Variants in PLSCR2 observed in about 807,000 individuals in gnomAD.
The protein encoded by PLSCR2 is PL scramblase 2.
PLSCR2 carries 18 observed loss-of-function variants against 25.3 expected under a neutral mutation model. The observed-to-expected ratio is 0.71, with a 90% confidence interval of 0.49 to 1.06. PLSCR2 has a LOEUF of 1.06. PLSCR2 is among the 50% of genes least tolerant of loss of function. PLSCR2 has a pLI of 0.00. For synonymous variants in PLSCR2, 88 were observed against 87.3 expected (o/e 1.01, Z -0.04); for missense variants, 243 against 269.5 (o/e 0.90, Z 0.69).
intron 1 of PLSCR2, among the ~76,000 whole-genome samples, chr3:146,491,480 T>C (rs543336116): frequency 5.0e-4 from 76 of 152,282 alleles, no homozygotes; most frequent in Non-Finnish European, 8.1e-4. Flanking sequence ...TCCATCATTT[T>C]CAAGAATGCC....
intron 4 of PLSCR2, 126 bp from the exon 5 acceptor site, chr3:146,454,289 T>A (rs2041074022): frequency 1.7e-6 from 1 of 574,406 alleles, no homozygotes; most frequent in Non-Finnish European, 2.9e-6. Flanking sequence ...AGGACTTTTT[T>A]TTTAAAGATT....
intron 1 of PLSCR2, among the ~76,000 whole-genome samples, chr3:146,487,821 T>C (rs2043400491): frequency 6.6e-6 from 1 of 152,138 alleles, no homozygotes; most frequent in Non-Finnish European, 1.5e-5. Flanking sequence ...GAAAAAAAAC[T>C]GCTTTAAATT....
chr3:146,409,538 G>T (rs904638630), intron 2 of PLSCR2, among the ~76,000 whole-genome samples: 3 of 152,062 alleles, frequency 2.0e-5, no homozygotes, highest in Non-Finnish European at 4.4e-5. Context: ...AGGGTGGCCG[G>T]GAGTTGCAGT....
At chr3:146,486,887 C>T (rs2043364865) in intron 1 of PLSCR2, among the ~76,000 whole-genome samples, 2 of 152,094 alleles carry the variant, frequency 1.3e-5, no homozygotes, top group South Asian at 2.1e-4. Context: ...GGCAAATATT[C>T]CTGATGAACA....
chr3:146,439,424 G>T (rs901003915), downstream of PLSCR2, among the ~76,000 whole-genome samples: 1 of 152,124 alleles, frequency 6.6e-6, no homozygotes, highest in African/African-American at 2.4e-5. Flanking sequence ...ATCAGACGTG[G>T]ATTTGGTCTT....
At chr3:146,392,697 A>C (rs1192754023) in intron 3 of PLSCR2, among the ~76,000 whole-genome samples, 1 of 151,740 alleles carries the variant, frequency 6.6e-6, no homozygotes, top group Admixed American at 6.6e-5. Flanking sequence ...GGGTACACAC[A>C]TTTAAACTAT....
intron 6 of PLSCR2, among the ~76,000 whole-genome samples, chr3:146,445,789 CG>C (rs1232826897): frequency 6.6e-6 from 1 of 151,976 alleles, no homozygotes; most frequent in South Asian, 2.1e-4. Context: ...TTAGATTTGC[CG>C]TTTTGAGGCT....
chr3:146,441,784 T>A, exon 7 of PLSCR2: 1 of 1,588,594 alleles, frequency 6.3e-7, no homozygotes, highest in Non-Finnish European at 8.6e-7. Flanking sequence ...ACTCTGACAT[T>A]CCAGTCATTA....
intron 6 of PLSCR2, 48 bp from the exon 7 acceptor site, chr3:146,441,869 A>C (rs1417512520): frequency 8.1e-7 from 1 of 1,227,756 alleles, no homozygotes; most frequent in Non-Finnish European, 1.2e-6. Flanking sequence ...AACCAAACAG[A>C]GATCAGATGC....
chr3:146,480,260 GAC>G (rs987834164), intron 1 of PLSCR2, among the ~76,000 whole-genome samples: 66 of 152,194 alleles, frequency 4.3e-4, no homozygotes, highest in African/African-American at 1.5e-3. Flanking sequence ...AGGAGATAGA[GAC>G]ACAAAAAACC....
intron 6 of PLSCR2, among the ~76,000 whole-genome samples, chr3:146,444,931 C>T (rs80035163): frequency 0.012 from 1,853 of 151,866 alleles, 36 homozygotes; most frequent in African/African-American, 0.043. Flanking sequence ...ATCTTTTCTA[C>T]GTTTTTGATT....
chr3:146,439,595 C>G (rs942800050), downstream of PLSCR2, among the ~76,000 whole-genome samples: 1 of 152,104 alleles, frequency 6.6e-6, no homozygotes, highest in Non-Finnish European at 1.5e-5. Context: ...TCACGTAGTT[C>G]TTGTGCCATG....
downstream of PLSCR2, among the ~76,000 whole-genome samples, chr3:146,430,649 T>G (rs1372007526): frequency 6.6e-6 from 1 of 152,190 alleles, no homozygotes; most frequent in African/African-American, 2.4e-5. Context: ...TTAATTAACT[T>G]GATGCCAGGA....
At chr3:146,495,692 C>T (rs2043721747) in intron 1 of PLSCR2, among the ~76,000 whole-genome samples, 1 of 152,156 alleles carries the variant, frequency 6.6e-6, no homozygotes, top group Admixed American at 6.6e-5. Context: ...GTACAGAAAC[C>T]AGTTTCTGTT....
chr3:146,461,780 G>A, upstream of PLSCR2: 2 of 717,278 alleles, frequency 2.8e-6, no homozygotes, highest in Non-Finnish European at 5.0e-6. Flanking sequence ...AGTTCATCTA[G>A]GGAGACCCTT....
At chr3:146,392,961 A>C (rs190991963) in intron 3 of PLSCR2, among the ~76,000 whole-genome samples, 32 of 149,670 alleles carry the variant, frequency 2.1e-4, no homozygotes, top group African/African-American at 6.1e-4. Flanking sequence ...ATTTTATTAC[A>C]TATTTTAAAG....
intron 1 of PLSCR2, among the ~76,000 whole-genome samples, chr3:146,471,529 CTT>C (rs36124359): frequency 7.2e-6 from 1 of 138,744 alleles, no homozygotes. Context: ...TGTTAGTGGT[CTT>C]TATATATTGT....
intron 1 of PLSCR2, among the ~76,000 whole-genome samples, chr3:146,491,014 C>G (rs2043531667): frequency 6.6e-6 from 1 of 152,066 alleles, no homozygotes; most frequent in Non-Finnish European, 1.5e-5. Flanking sequence ...TTAGCACTCC[C>G]TTAAAGACTT....
chr3:146,469,369 C>G, intron 1 of PLSCR2, 126 bp downstream of exon 1: 2 of 963,958 alleles, frequency 2.1e-6, no homozygotes, highest in Non-Finnish European at 2.5e-6. Context: ...GGTGTCGCTT[C>G]CCGCGGCCCA....
Sources: allele counts gnomAD v4.1 joint callset (sites outside exome capture counted in the v4.1 genomes callset), GRCh38; gene constraint gnomAD v4.1.1; transcripts MANE v1.5; gene names NCBI Gene and HGNC (gene_info 2026-07-23, HGNC 2026-07-21).